Variants in CDK14 observed in about 807,000 individuals in gnomAD.
CDK14 encodes cyclin-dependent kinase 14.
In CDK14, 34 loss-of-function variants were observed where a neutral mutation model predicts 60.7. That is an observed-to-expected ratio of 0.56 (90% CI 0.43 to 0.75). CDK14 has a LOEUF of 0.75. CDK14 is among the 30% of genes least tolerant of loss of function. The pLI, the probability that CDK14 is intolerant of heterozygous loss-of-function variation, is 0.00. For synonymous variants in CDK14, 197 were observed against 203.7 expected (o/e 0.97, Z 0.28); for missense variants, 482 against 564.1 (o/e 0.85, Z 1.47).
intron 14 of CDK14, among the ~76,000 whole-genome samples, chr7:91,197,653 C>T (rs1423914352): frequency 6.6e-6 from 1 of 152,180 alleles, no homozygotes; most frequent in Non-Finnish European, 1.5e-5. Context: ...TCCTATCTTT[C>T]AGGCACTTTT....
intron 2 of CDK14, among the ~76,000 whole-genome samples, chr7:90,707,856 A>G (rs79036938): frequency 0.16 from 24,056 of 152,176 alleles, 2,026 homozygotes; most frequent in Middle Eastern, 0.26. Context: ...CAAAATACTC[A>G]TTTCAGTGTA....
At chr7:90,694,598 A>G (rs1801619098) in intron 2 of CDK14, among the ~76,000 whole-genome samples, 1 of 152,234 alleles carries the variant, frequency 6.6e-6, no homozygotes, top group African/African-American at 2.4e-5. Flanking sequence ...TTTACTAATT[A>G]AAATAACTAT....
intron 8 of CDK14, among the ~76,000 whole-genome samples, chr7:90,953,543 G>T (rs185657240): frequency 6.6e-6 from 1 of 152,236 alleles, no homozygotes; most frequent in East Asian, 1.9e-4. Context: ...ATTACATGTG[G>T]TTATTTTGAT....
chr7:90,817,207 C>A (rs1281716764), intron 5 of CDK14, among the ~76,000 whole-genome samples: 2 of 151,994 alleles, frequency 1.3e-5, no homozygotes, highest in Admixed American at 1.3e-4. Flanking sequence ...CCATATAGTA[C>A]ATTGTGGGAA....
intron 5 of CDK14, among the ~76,000 whole-genome samples, chr7:90,862,523 A>T (rs1409196666): frequency 1.3e-5 from 2 of 152,144 alleles, no homozygotes; most frequent in Non-Finnish European, 2.9e-5. Flanking sequence ...AACAAGCAGA[A>T]CTCAAATGAG....
At chr7:91,177,632 G>A (rs1469923031) in intron 14 of CDK14, among the ~76,000 whole-genome samples, 65 of 151,622 alleles carry the variant, frequency 4.3e-4, no homozygotes, top group African/African-American at 1.2e-3. Flanking sequence ...CAAAATCAAC[G>A]TACAAAAATC....
intron 10 of CDK14, among the ~76,000 whole-genome samples, chr7:91,000,006 G>A (rs749480670): frequency 1.7e-4 from 26 of 152,160 alleles, no homozygotes; most frequent in Admixed American, 7.2e-4. Context: ...CTCTAGAGAT[G>A]TATACAATTA....
intron 12 of CDK14, among the ~76,000 whole-genome samples, chr7:91,083,051 C>T (rs924984498): frequency 1.5e-4 from 23 of 151,994 alleles, no homozygotes; most frequent in African/African-American, 5.3e-4. Context: ...TGTTATTTCA[C>T]TAGGAGGAGC....
intron 14 of CDK14, among the ~76,000 whole-genome samples, chr7:91,206,457 C>G (rs1041364167): frequency 2.0e-5 from 3 of 152,200 alleles, no homozygotes; most frequent in African/African-American, 7.2e-5. Context: ...TCCACCCATC[C>G]TGGCAAGGCA....
chr7:90,730,250 T>C (rs967910698), intron 3 of CDK14, among the ~76,000 whole-genome samples: 5 of 152,218 alleles, frequency 3.3e-5, no homozygotes, highest in Admixed American at 2.0e-4. Flanking sequence ...TAATTCAGTC[T>C]ATCTTTGATG....
intron 7 of CDK14, among the ~76,000 whole-genome samples, chr7:90,903,934 G>A (rs78140749): frequency 0.013 from 1,977 of 152,214 alleles, 21 homozygotes; most frequent in Non-Finnish European, 0.02. Flanking sequence ...TTTCTCCCAT[G>A]ATCTACAGCA....
In CDK14 at chr7:90,753,273, A is replaced by C. The variant is rs540064463; in HGVS notation, c.464+5498A>C. On this transcript the variant is annotated intron_variant, in intron 4 of 14. Coordinates refer to ENST00000380050, the MANE Select transcript of CDK14 (RefSeq NM_001287135.2). ...AGCAAACCAAATCCAGCAGCACATCAAAAAGATCATTCACCACAATCAAGT... is the reference window on the plus strand; with the variant it reads ...AGCAAACCAAATCCAGCAGCACATCCAAAAGATCATTCACCACAATCAAGT... 2.6e-5 allele frequency among the ~76,000 whole-genome samples: 4 copies of C among 152,316 alleles called. No individual in the cohort carries two copies. In the South Asian group the frequency reaches 8.3e-4, roughly 32 times the overall value.
chr7:90,656,835 A>G (rs1800761443), intron 2 of CDK14, among the ~76,000 whole-genome samples: 5 of 152,182 alleles, frequency 3.3e-5, no homozygotes, highest in Admixed American at 2.6e-4. Flanking sequence ...TTATTTATAA[A>G]GATCATAAAC....
intron 14 of CDK14, among the ~76,000 whole-genome samples, chr7:91,134,132 G>A (rs1323043203): frequency 6.6e-6 from 1 of 152,054 alleles, no homozygotes; most frequent in Non-Finnish European, 1.5e-5. Flanking sequence ...TGGGGGGAGG[G>A]CATTGAGTCT....
intron 2 of CDK14, among the ~76,000 whole-genome samples, chr7:90,659,837 T>TTCTCTCTCTCTCTCTCTCTCTCTCTC (rs58582287): frequency 2.7e-5 from 3 of 110,500 alleles, no homozygotes; most frequent in African/African-American, 3.7e-5. Context: ...CAGGGAATGC[T>TTCTCTCTCTCTCTCTCTCTCTCTCTC]TCTCTCTCTC....
At position 90,963,797 on chromosome 7, in the gene CDK14, C is replaced by T. The variant is rs146521576; in HGVS notation, c.947+7980C>T. ...ATGGCGCGATCTCAGCTCACTGCAACCTTCGTCTCCCGGGTTCAAGAGATT... is the reference window on the plus strand; with the variant it reads ...ATGGCGCGATCTCAGCTCACTGCAATCTTCGTCTCCCGGGTTCAAGAGATT... On this transcript the variant is annotated intron_variant, in intron 9 of 14. Transcript: ENST00000380050. 4.4e-3 allele frequency among the ~76,000 whole-genome samples: 637 copies of T among 145,124 alleles called. 15 individuals carry two copies. Among genetic ancestry groups the T allele is most frequent in the Admixed American group, 0.042 (584 of 13,956 alleles).
chr7:90,826,507 G>T (rs998765772), intron 5 of CDK14, among the ~76,000 whole-genome samples: 7 of 152,068 alleles, frequency 4.6e-5, no homozygotes, highest in African/African-American at 1.7e-4. Flanking sequence ...ATGAGCCACC[G>T]CATTCAGCCT....
Position 90,809,160 on chromosome 7 carries a change from G to A in CDK14, c.544+18508G>A, listed in dbSNP as rs1312324310. Among the ~76,000 whole-genome samples, 3 of 152,226 alleles carry A rather than the reference G, an allele frequency of 2.0e-5. No homozygotes were observed. The East Asian group carries it at 5.8e-4, about 29-fold the overall frequency. ...CAGAACTCTCCACCCCAAATCAACA[G>A]AATATACATTCTTTTCAGCACCACA... On this transcript the variant is annotated intron_variant, in intron 5 of 14. Transcript: ENST00000380050.
intron 10 of CDK14, among the ~76,000 whole-genome samples, chr7:91,009,303 G>A (rs1378475138): frequency 6.6e-6 from 1 of 151,862 alleles, no homozygotes; most frequent in Admixed American, 6.6e-5. Context: ...CAGTTTTGTT[G>A]TACCTTTCTA....
Sources: allele counts gnomAD v4.1 joint callset (sites outside exome capture counted in the v4.1 genomes callset), GRCh38; gene constraint gnomAD v4.1.1; transcripts MANE v1.5; gene names NCBI Gene and HGNC (gene_info 2026-07-23, HGNC 2026-07-21).